UNC45A: variants seen among roughly 807,000 people sequenced by gnomAD.
The protein encoded by UNC45A is protein unc-45 homolog A.
A neutral mutation model predicts 103.2 loss-of-function variants in UNC45A; 78 were observed. The observed-to-expected ratio is 0.76, with a 90% confidence interval of 0.63 to 0.91. UNC45A has a LOEUF of 0.91. Among genes scored for constraint, UNC45A ranks in the 40% least tolerant of loss-of-function variants. The pLI, the probability that UNC45A is intolerant of heterozygous loss-of-function variation, is 0.00. For synonymous variants in UNC45A, 495 were observed against 504.6 expected (o/e 0.98, Z 0.25); for missense variants, 1,193 against 1,224.8 (o/e 0.97, Z 0.39).
chr15:90,947,033 A>G, intron 10 of UNC45A, 119 bp downstream of exon 10: 2 of 1,213,500 alleles, frequency 1.6e-6, no homozygotes, highest in South Asian at 3.0e-5. Flanking sequence ...CTGTAATGCC[A>G]AAAAAATTAG....
rs184203259 is a variant in UNC45A, at chr15:90,935,499, T to G, written c.52-45T>G. The G allele has an allele frequency of 2.8e-3, 4,363 of 1,575,300 alleles. 45 individuals carry two copies. In the African/African-American group the frequency reaches 0.033, roughly 12 times the overall value. ...TCCTCTCCCCTTAGCTCCCGGGCTC[T>G]GCCCCGAACCCCCTCCGACGTTTCC... On this transcript the variant is annotated intron_variant, in intron 1 of 19. Transcript: ENST00000418476.
chr15:90,951,681 C>T (rs967700140), intron 17 of UNC45A, among the ~76,000 whole-genome samples: 3 of 152,152 alleles, frequency 2.0e-5, no homozygotes, highest in South Asian at 2.1e-4. Flanking sequence ...ATGATCTGTG[C>T]GGTAAACCAC....
chr15:90,936,520 G>C, intron 4 of UNC45A, 60 bp downstream of exon 4: 1 of 1,565,838 alleles, frequency 6.4e-7, no homozygotes, highest in Non-Finnish European at 8.7e-7. Context: ...TCTGGGCCAG[G>C]GGTGTAGACA....
At position 90,942,304 on chromosome 15, in the gene UNC45A, T is replaced by C. The variant is rs548967303; in HGVS notation, c.688-133T>C. ...CCTGGGTCATGCCATCCATTCTGTG[T>C]TGTTTTCACCTGGAGCTGGGCCTTC... On this transcript the variant is annotated intron_variant, in intron 6 of 19. Transcript: ENST00000418476. 4 of 1,041,440 alleles carry C rather than the reference T, an allele frequency of 3.8e-6. No individual in the cohort carries two copies. In the East Asian group the frequency reaches 9.6e-5, roughly 25 times the overall value. 64.5% of individuals were successfully genotyped at this position (1,041,440 alleles called of 1,614,324 possible). A position where few individuals can be genotyped will look rare whatever the true frequency, so the allele number is the denominator to read the frequency against.
intron 4 of UNC45A, 128 bp downstream of exon 4, chr15:90,936,588 C>T: frequency 9.0e-7 from 1 of 1,108,956 alleles, no homozygotes; most frequent in Non-Finnish European, 1.3e-6. Flanking sequence ...CAGGGAAAAG[C>T]AAATTAAGAT....
chr15:90,939,606 C>T, intron 4 of UNC45A, 125 bp from the exon 5 acceptor site: 1 of 954,900 alleles, frequency 1.0e-6, no homozygotes, highest in Non-Finnish European at 1.6e-6. Context: ...TAGCTAGGTG[C>T]TAGCCCTGAG....
chr15:90,934,810 T>C, upstream of UNC45A: 1 of 408,570 alleles, frequency 2.4e-6, no homozygotes, highest in Non-Finnish European at 4.3e-6. Flanking sequence ...CAAATGTGTG[T>C]ATGTAAGACG....
chr15:90,951,622 A>T (rs1393209423), intron 17 of UNC45A, among the ~76,000 whole-genome samples: 1 of 152,170 alleles, frequency 6.6e-6, no homozygotes, highest in Non-Finnish European at 1.5e-5. Flanking sequence ...TAAAGAGAAT[A>T]TCAGGAAGAA....
In UNC45A at chr15:90,944,834, C is replaced by A. The variant is rs563682298; in HGVS notation, c.1028-58C>A. On this transcript the variant is annotated intron_variant, in intron 8 of 19. Transcript: ENST00000418476. ...TCCACATCTCCTAGGAAGCCTGTTT[C>A]TTTTACTTGTAGGGGTTGGAACTAG... 3.4e-4 allele frequency: 523 copies of A among 1,556,578 alleles called. 1 individual carries two copies. Among genetic ancestry groups the A allele is most frequent in the Non-Finnish European group, 3.8e-4 (439 of 1,150,934 alleles).
At chr15:90,936,136 G>A in intron 3 of UNC45A, 149 bp from the exon 4 acceptor site, 1 of 1,501,966 alleles carries the variant, frequency 6.7e-7, no homozygotes, top group East Asian at 2.3e-5. Flanking sequence ...CTTTTCTGCA[G>A]CTACCCTCAC....
upstream of UNC45A, chr15:90,932,913 A>C: frequency 4.0e-5 from 8 of 199,470 alleles, no homozygotes; most frequent in East Asian, 1.1e-4. Context: ...AGAAAGAACA[A>C]TCCCCACACC....
chr15:90,931,427 CT>C (rs2035786260), upstream of UNC45A: 1 of 1,606,192 alleles, frequency 6.2e-7, no homozygotes, highest in African/African-American at 1.3e-5. Flanking sequence ...TCGACAGAAA[CT>C]TGCTAGCGTG....
chr15:90,950,470 T>C, intron 16 of UNC45A, 30 bp from the exon 17 acceptor site: 9 of 1,606,196 alleles, frequency 5.6e-6, no homozygotes, highest in Non-Finnish European at 7.7e-6. Flanking sequence ...CTGCGGCAAG[T>C]ACCCCTGACA....
chr15:90,932,818 A>G, upstream of UNC45A: 1 of 364,412 alleles, frequency 2.7e-6, no homozygotes, highest in Non-Finnish European at 4.9e-6. Context: ...TGTGGAAAAG[A>G]GGAAGACAGA....
chr15:90,950,926 G>A lies in UNC45A; in HGVS notation c.2303+311G>A, dbSNP rs141000974. 1.3e-3 allele frequency among the ~76,000 whole-genome samples: 193 copies of A among 152,360 alleles called. 1 individual carries two copies. The highest frequency in any genetic ancestry group is 4.4e-3 in the African/African-American group (183 of 41,586). On this transcript the variant is annotated intron_variant, in intron 17 of 19. Coordinates refer to ENST00000418476, the MANE Select transcript of UNC45A (RefSeq NM_018671.5). ...ACCTACCTCATGGCATAGTGATGAGGAGAATAAAATGAGAAAATACACCTA... is the reference window on the plus strand; with the variant it reads ...ACCTACCTCATGGCATAGTGATGAGAAGAATAAAATGAGAAAATACACCTA...
At position 90,940,396 on chromosome 15, in the gene UNC45A, C is replaced by T; in HGVS notation, c.610C>T (p.Leu204=). 2 of 1,614,174 alleles carry T rather than the reference C, an allele frequency of 1.2e-6. No homozygotes were observed. The highest frequency in any genetic ancestry group is 2.2e-5 in the East Asian group (1 of 44,884). ...SNGVQLLQRL[L]DMGETDLMLA... ...TGGGGTTCAGCTCTTGCAACGTTTACTGGACATGGGAGAGACTGACCTCAT... is the reference window on the plus strand; with the variant it reads ...TGGGGTTCAGCTCTTGCAACGTTTATTGGACATGGGAGAGACTGACCTCAT... The change falls in exon 6 of 20, where the codon CTG becomes TTG. Residue 204 remains leucine (L), a synonymous_variant. Coordinates refer to ENST00000418476, the MANE Select transcript of UNC45A (RefSeq NM_018671.5).
At chr15:90,943,184 C>T in intron 8 of UNC45A, 102 bp downstream of exon 8, 1 of 1,400,628 alleles carries the variant, frequency 7.1e-7, no homozygotes, top group Non-Finnish European at 9.6e-7. Context: ...TGGTGGATGA[C>T]ACACTTTGAG....
rs1206666938 is a variant in UNC45A at position 90,936,366 on chromosome 15, C to G, written c.332C>G (p.Ala111Gly). The change falls in exon 4 of 20, where the codon GCT becomes GGT. Residue 111 changes from alanine (A) to glycine (G), a missense_variant. Transcript: ENST00000418476. The stretch of plus-strand genomic sequence containing the variant: ...GAGAAGCTGGGCCGCCTGGACCAGG[C>G]TGTCCTTGACCTGCAGAGATGTGTG... ...ALEKLGRLDQ[A>G]VLDLQRCVSL... 4.3e-6 allele frequency: 7 copies of G among 1,614,112 alleles called. No individual in the cohort carries two copies. The highest frequency in any genetic ancestry group is 5.9e-6 in the Non-Finnish European group (7 of 1,180,048).
chr15:90,932,351 G>A (rs2035830656), upstream of UNC45A: 3 of 914,654 alleles, frequency 3.3e-6, no homozygotes, highest in Admixed American at 3.7e-5. Flanking sequence ...GCTCAATGAG[G>A]TGCACGCCCC....
Sources: gnomAD v4.1 joint callset for allele counts (sites outside exome capture counted in the v4.1 genomes callset) on GRCh38, gnomAD v4.1.1 for gene constraint, MANE v1.5 for transcripts, NCBI Gene and HGNC (gene_info 2026-07-23, HGNC 2026-07-21) for gene names.